Variants in SLX4IP observed in about 807,000 individuals in gnomAD.
SLX4IP encodes SLX4 interacting protein.
In SLX4IP, 34 loss-of-function variants were observed where a neutral mutation model predicts 32.9. That is an observed-to-expected ratio of 1.03 (90% CI 0.79 to 1.38). SLX4IP has a LOEUF of 1.38. Ranked by LOEUF, SLX4IP falls within the 40% of genes most tolerant of loss-of-function variation. SLX4IP has a pLI of 0.00. For missense variants in SLX4IP, 444 were observed against 479.0 expected, an observed-to-expected ratio of 0.93 and a Z score of 0.68; for synonymous variants, 172 against 171.7, an observed-to-expected ratio of 1.00 and a Z score of -0.01.
At chr20:10,590,449 C>G (rs1382371288) in intron 4 of SLX4IP, among the ~76,000 whole-genome samples, 1 of 152,072 alleles carries the variant, frequency 6.6e-6, no homozygotes. Flanking sequence ...CAACCTCTGC[C>G]TCCCGGGTTC....
In SLX4IP at chr20:10,494,056, A is replaced by G. The variant is rs148221096; in HGVS notation, c.27+35825A>G. Among the ~76,000 whole-genome samples the G allele has an allele frequency of 6.0e-3, 903 of 151,754 alleles. 7 individuals carry two copies. The highest frequency in any genetic ancestry group is 0.021 in the African/African-American group (853 of 41,468). On this transcript the variant is annotated intron_variant, in intron 2 of 7. Transcript: ENST00000334534. Reference sequence around the variant, plus strand: ...TCGTATTTTATCCTTTAATATCTCAATACGGCATTTAGTAGATGTGTTGAT... The same window carrying G: ...TCGTATTTTATCCTTTAATATCTCAGTACGGCATTTAGTAGATGTGTTGAT...
intron 4 of SLX4IP, among the ~76,000 whole-genome samples, chr20:10,565,099 A>T (rs1370572166): frequency 6.6e-6 from 1 of 152,056 alleles, no homozygotes; most frequent in Non-Finnish European, 1.5e-5. Context: ...CAGCTCTTAA[A>T]TTAATGCCAC....
intron 2 of SLX4IP, among the ~76,000 whole-genome samples, chr20:10,474,658 G>C (rs558234798): frequency 6.6e-6 from 1 of 152,342 alleles, no homozygotes; most frequent in Admixed American, 6.5e-5. Context: ...GCTGGGGCTG[G>C]AGCCTCTCCA....
In SLX4IP at chr20:10,533,170, T is replaced by G. The variant is rs146820125; in HGVS notation, c.28-23061T>G. 4.2e-3 allele frequency among the ~76,000 whole-genome samples: 639 copies of G among 152,182 alleles called. 1 individual carries two copies. The highest frequency in any genetic ancestry group is 0.014 in the Middle Eastern group (4 of 294). On this transcript the variant is annotated intron_variant, in intron 2 of 7. Coordinates refer to ENST00000334534, the MANE Select transcript of SLX4IP (RefSeq NM_001009608.3). ...TGAATGAGCCTTGTATTTGTGCAAA[T>G]AAAACAGAGATCCACTTTGAAATGA...
At chr20:10,602,326 CTCTCTGTCTCCT>C (rs1387118730) in intron 6 of SLX4IP, among the ~76,000 whole-genome samples, 7 of 152,098 alleles carry the variant, frequency 4.6e-5, no homozygotes, top group Non-Finnish European at 2.9e-5. Flanking sequence ...GTCTCTCTGT[CTCTCTGTCTCCT>C]TCTCTGTCTC....
chr20:10,563,322 A>G lies in SLX4IP; in HGVS notation c.238+2502A>G, dbSNP rs1452902010. On this transcript the variant is annotated intron_variant, in intron 4 of 7. Transcript: ENST00000334534. ...GACATTAGTCCCTTGTCAGATTAAT[A>G]GTTTGCAAATACTGTCTTCCATTCT... Among the ~76,000 whole-genome samples, 3 of 152,240 alleles carry G rather than the reference A, an allele frequency of 2.0e-5. No homozygotes were observed. The East Asian group carries it at 5.8e-4, about 29-fold the overall frequency.
chr20:10,441,673 A>AT (rs2065160595), intron 1 of SLX4IP, among the ~76,000 whole-genome samples: 1 of 150,808 alleles, frequency 6.6e-6, no homozygotes, highest in Non-Finnish European at 1.5e-5. Context: ...AAAAGTTCTA[A>AT]TTTTTTTGTT....
intron 2 of SLX4IP, among the ~76,000 whole-genome samples, chr20:10,535,075 G>T (rs375635443): frequency 1.0e-3 from 153 of 152,216 alleles, no homozygotes; most frequent in African/African-American, 3.4e-3. Flanking sequence ...TGGCATGATC[G>T]CTCTGGCAAC....
At chr20:10,512,417 A>AT (rs543504585) in intron 2 of SLX4IP, among the ~76,000 whole-genome samples, 27 of 150,108 alleles carry the variant, frequency 1.8e-4, no homozygotes, top group Admixed American at 4.7e-4. Flanking sequence ...CACTTTAAGT[A>AT]TTTTTTTTTA....
intron 2 of SLX4IP, among the ~76,000 whole-genome samples, chr20:10,530,120 CTG>C (rs2065975736): frequency 6.6e-6 from 1 of 152,206 alleles, no homozygotes; most frequent in Admixed American, 6.5e-5. Flanking sequence ...GGAATTTAGA[CTG>C]TTTTGGGAAA....
intron 6 of SLX4IP, among the ~76,000 whole-genome samples, chr20:10,607,118 G>T (rs1413359102): frequency 2.0e-5 from 3 of 152,096 alleles, no homozygotes; most frequent in Non-Finnish European, 4.4e-5. Flanking sequence ...TTTTTATTCC[G>T]TGTAGTGACC....
intron 6 of SLX4IP, among the ~76,000 whole-genome samples, chr20:10,611,682 T>C (rs1171769614): frequency 6.6e-6 from 1 of 152,116 alleles, no homozygotes; most frequent in African/African-American, 2.4e-5. Context: ...TGGACATGGA[T>C]GGGGGTTGAA....
intron 2 of SLX4IP, among the ~76,000 whole-genome samples, chr20:10,495,509 A>G (rs1420024065): frequency 6.6e-6 from 1 of 150,572 alleles, no homozygotes; most frequent in African/African-American, 2.4e-5. Flanking sequence ...AAATAATCAG[A>G]TAAGTTAATT....
chr20:10,617,236 T>C (rs979676755), intron 6 of SLX4IP, among the ~76,000 whole-genome samples: 1 of 152,246 alleles, frequency 6.6e-6, no homozygotes, highest in African/African-American at 2.4e-5. Context: ...TGTTGTTTTA[T>C]GTATATCGGC....
At chr20:10,472,356 G>A (rs955855800) in intron 2 of SLX4IP, among the ~76,000 whole-genome samples, 8 of 151,646 alleles carry the variant, frequency 5.3e-5, no homozygotes, top group Admixed American at 3.9e-4. Context: ...TTAGCCTCCC[G>A]AGTAGCTGGG....
chr20:10,526,969 T>C (rs962086473), intron 2 of SLX4IP, among the ~76,000 whole-genome samples: 6 of 152,134 alleles, frequency 3.9e-5, no homozygotes, highest in Non-Finnish European at 7.4e-5. Context: ...AGACAGGATC[T>C]CCTTCTGTTA....
At chr20:10,547,237 C>T (rs961048286) in intron 2 of SLX4IP, among the ~76,000 whole-genome samples, 1 of 152,122 alleles carries the variant, frequency 6.6e-6, no homozygotes, top group Admixed American at 6.5e-5. Context: ...AAGCTGCTGT[C>T]AAAGTCATTT....
intron 6 of SLX4IP, among the ~76,000 whole-genome samples, chr20:10,604,295 T>C (rs1252261098): frequency 1.3e-5 from 2 of 152,210 alleles, no homozygotes; most frequent in African/African-American, 4.8e-5. Flanking sequence ...AACTCACTCT[T>C]CTGCAGCCAC....
At chr20:10,601,510 G>A (rs1452647366) in intron 5 of SLX4IP, among the ~76,000 whole-genome samples, 4 of 152,286 alleles carry the variant, frequency 2.6e-5, no homozygotes, top group African/African-American at 4.8e-5. Context: ...GTCCCGGGGC[G>A]CAGGTGGACC....
Sources: allele counts gnomAD v4.1 joint callset (sites outside exome capture counted in the v4.1 genomes callset), GRCh38; gene constraint gnomAD v4.1.1; transcripts MANE v1.5; gene names NCBI Gene and HGNC (gene_info 2026-07-23, HGNC 2026-07-21).